TATDN3: variants seen among roughly 807,000 people sequenced by gnomAD.
The protein encoded by TATDN3 is TatD DNase domain containing 3.
A neutral mutation model predicts 40.1 loss-of-function variants in TATDN3; 29 were observed. That is an observed-to-expected ratio of 0.72 (90% CI 0.54 to 0.99). The LOEUF (loss-of-function observed/expected upper bound fraction) is 0.99. Ranked by LOEUF, TATDN3 falls within the 50% of genes least tolerant of loss-of-function variation. TATDN3 has a pLI of 0.00. For missense variants in TATDN3, 309 were observed against 321.9 expected (o/e 0.96, Z 0.31); for synonymous variants, 105 against 117.0 (o/e 0.90, Z 0.66).
At chr1:212,799,043 C>T (rs1278436205) in intron 4 of TATDN3, among the ~76,000 whole-genome samples, 1 of 152,188 alleles carries the variant, frequency 6.6e-6, no homozygotes, top group Non-Finnish European at 1.5e-5. Flanking sequence ...AAGAGAGGAT[C>T]AGGGTGTTAT....
chr1:212,796,799 G>A (rs376014610), intron 3 of TATDN3: 3 of 475,408 alleles, frequency 6.3e-6, no homozygotes, highest in East Asian at 3.4e-5. Context: ...GTGCAGTGGC[G>A]CAATGTTGGC....
intron 5 of TATDN3, among the ~76,000 whole-genome samples, 188 bp from the exon 6 acceptor site, chr1:212,804,132 G>A (rs1225888865): frequency 3.3e-5 from 5 of 152,154 alleles, no homozygotes; most frequent in Admixed American, 6.5e-5. Context: ...TTGGGTTAAA[G>A]TATATTATTA....
In TATDN3 at chr1:212,809,840, A is replaced by G. The variant is rs1004933605; in HGVS notation, c.600+1992A>G. ...GGAGTTCAAAACCAGCCTGGCCAAC[A>G]TGGTGAGACCCCTTCTCTACTAAAA... is the stretch of plus-strand genomic sequence containing the variant. On this transcript the variant is annotated intron_variant, in intron 8 of 9. Transcript: ENST00000366974. Among the ~76,000 whole-genome samples, 6 of 152,082 alleles carry G rather than the reference A, an allele frequency of 3.9e-5. No individual in the cohort carries two copies. The South Asian group carries it at 6.2e-4, about 16-fold the overall frequency.
At chr1:212,793,207 T>C (rs1489828350) in intron 1 of TATDN3, among the ~76,000 whole-genome samples, 1 of 152,138 alleles carries the variant, frequency 6.6e-6, no homozygotes, top group East Asian at 1.9e-4. Flanking sequence ...TTTTTTAAAA[T>C]TTATTTTCAT....
intron 4 of TATDN3, 38 bp downstream of exon 4, chr1:212,797,234 CA>C (rs752964724): frequency 6.8e-7 from 1 of 1,474,594 alleles, no homozygotes; most frequent in Non-Finnish European, 9.5e-7. Context: ...TAAAAACAAA[CA>C]AACGAAAGAA....
chr1:212,792,225 T>C (rs1391101161), intron 1 of TATDN3, among the ~76,000 whole-genome samples: 1 of 152,218 alleles, frequency 6.6e-6, no homozygotes, highest in Non-Finnish European at 1.5e-5. Context: ...TTTGCTCTTC[T>C]GAGTTCCTGG....
chr1:212,794,314 G>T (rs1372340690), intron 1 of TATDN3, among the ~76,000 whole-genome samples: 2 of 152,006 alleles, frequency 1.3e-5, no homozygotes, highest in African/African-American at 4.8e-5. Flanking sequence ...ACTCAGGCTG[G>T]GTTCGATGGC....
At position 212,797,196 on chromosome 1, in the gene TATDN3, G is replaced by A; in HGVS notation, c.258G>A (p.Lys86=). 6.2e-7 allele frequency: 1 copy of A among 1,612,102 alleles called. No individual in the cohort carries two copies. Among genetic ancestry groups the A allele is most frequent in the Non-Finnish European group, 8.5e-7 (1 of 1,178,296 alleles). The change falls in exon 4 of 10, where the codon AAG becomes AAA. Residue 86 remains lysine, a splice_region_variant and synonymous_variant. Transcript: ENST00000366974. The part of the protein sequence containing the change: ...PPEDQRSVTL[K]DLDVALPIIE... ...AAGACCAAAGAAGTGTCACACTAAAGGTAACAGTCATACAAAACAGGAACC... is the reference window on the plus strand; with the variant it reads ...AAGACCAAAGAAGTGTCACACTAAAAGTAACAGTCATACAAAACAGGAACC...
At chr1:212,795,873 TGAGTAACTGGTCCAAA>T (rs1363116681) in intron 2 of TATDN3, among the ~76,000 whole-genome samples, 1 of 152,184 alleles carries the variant, frequency 6.6e-6, no homozygotes, top group African/African-American at 2.4e-5. Flanking sequence ...GGCCTAGAGA[TGAGTAACTGGTCCAAA>T]GACACATGCT....
At chr1:212,807,873 C>T (rs1662636676) in intron 8 of TATDN3, 25 bp downstream of exon 8, 4 of 1,419,958 alleles carry the variant, frequency 2.8e-6, no homozygotes, top group Non-Finnish European at 3.9e-6. Flanking sequence ...TGAAACTCAT[C>T]TAATACTTAT....
intron 7 of TATDN3, 109 bp from the exon 8 acceptor site, chr1:212,807,627 T>A (rs1662620784): frequency 1.4e-6 from 1 of 725,032 alleles, no homozygotes; most frequent in African/African-American, 1.8e-5. Flanking sequence ...ATAGAACCTC[T>A]TGTTTATATC....
At chr1:212,800,348 A>G (rs967850099) in intron 4 of TATDN3, among the ~76,000 whole-genome samples, 10 of 151,646 alleles carry the variant, frequency 6.6e-5, no homozygotes, top group African/African-American at 2.2e-4. Context: ...AAAGTAATTA[A>G]TATGCCAACA....
chr1:212,802,835 T>C, intron 5 of TATDN3, 72 bp downstream of exon 5: 1 of 1,079,542 alleles, frequency 9.3e-7, no homozygotes, highest in Non-Finnish European at 1.4e-6. Flanking sequence ...TAATCTTTAG[T>C]TCAGTATTGG....
At chr1:212,806,837 C>CACATATACACATATATACAT (rs1553257567) in intron 7 of TATDN3, among the ~76,000 whole-genome samples, 1 of 51,370 alleles carries the variant, frequency 1.9e-5, no homozygotes, top group Non-Finnish European at 4.1e-5. Context: ...CATATATATA[C>CACATATACACATATATACAT]ATATATACAC....
At chr1:212,799,359 G>A (rs983744247) in intron 4 of TATDN3, among the ~76,000 whole-genome samples, 1 of 152,008 alleles carries the variant, frequency 6.6e-6, no homozygotes, top group Non-Finnish European at 1.5e-5. Context: ...TTTTGAAGAG[G>A]GTAAAAAATG....
intron 3 of TATDN3, 60 bp downstream of exon 3, chr1:212,796,650 G>T: frequency 8.6e-7 from 1 of 1,158,426 alleles, no homozygotes; most frequent in Non-Finnish European, 1.2e-6. Flanking sequence ...ATGACATCCA[G>T]TTTATAATAT....
chr1:212,794,603 A>G (rs1661608565), intron 1 of TATDN3: 2 of 339,104 alleles, frequency 5.9e-6, no homozygotes, highest in South Asian at 4.7e-5. Context: ...AAAAAAGAAA[A>G]AAAATGGGGG....
At chr1:212,795,698 G>A (rs984061267) in intron 2 of TATDN3, among the ~76,000 whole-genome samples, 1 of 152,176 alleles carries the variant, frequency 6.6e-6, no homozygotes, top group East Asian at 1.9e-4. Context: ...TAGGCATGCG[G>A]CACTGCTCCC....
At chr1:212,812,879 C>G (rs922375297) in intron 9 of TATDN3, among the ~76,000 whole-genome samples, 26 of 151,928 alleles carry the variant, frequency 1.7e-4, no homozygotes, top group African/African-American at 6.3e-4. Context: ...GTGGCACATG[C>G]GCCTGTAATC....
Sources: allele counts gnomAD v4.1 joint callset (sites outside exome capture counted in the v4.1 genomes callset), GRCh38; gene constraint gnomAD v4.1.1; transcripts MANE v1.5; gene names NCBI Gene and HGNC (gene_info 2026-07-23, HGNC 2026-07-21).